ZNF730: variants seen among roughly 807,000 people sequenced by gnomAD.
The protein encoded by ZNF730 is putative zinc finger protein 730.
Under a neutral mutation model 12.6 loss-of-function variants are expected in ZNF730, and 12 were observed. The ratio of observed to expected loss-of-function variants is 0.95; its 90% confidence interval spans 0.61 to 1.54. The LOEUF (loss-of-function observed/expected upper bound fraction) is 1.54. ZNF730 is among the 40% of genes most tolerant of loss of function. The pLI, the probability that ZNF730 is intolerant of heterozygous loss-of-function variation, is 0.00. For synonymous variants in ZNF730, 194 were observed against 195.8 expected (o/e 0.99, Z 0.08); for missense variants, 643 against 583.5 (o/e 1.10, Z -1.05).
chr19:23,106,406 AT>A (rs551057612), intron 1 of ZNF730, among the ~76,000 whole-genome samples: 3 of 152,198 alleles, frequency 2.0e-5, no homozygotes, highest in Non-Finnish European at 4.4e-5. Context: ...AACAAAAAAA[AT>A]ACATTGATTT....
At chr19:23,097,803 C>T (rs1970277489) in intron 1 of ZNF730, among the ~76,000 whole-genome samples, 1 of 152,094 alleles carries the variant, frequency 6.6e-6, no homozygotes, top group South Asian at 2.1e-4. Flanking sequence ...TGACTCAGCA[C>T]ATAGGTGATA....
chr19:23,095,290 C>T (rs888608220), intron 1 of ZNF730: 2 of 398,214 alleles, frequency 5.0e-6, no homozygotes, highest in African/African-American at 4.1e-5. Flanking sequence ...CGTTGGGCCT[C>T]ACACGTACGT....
intron 1 of ZNF730, among the ~76,000 whole-genome samples, chr19:23,124,345 T>C (rs1300348633): frequency 6.6e-6 from 1 of 152,188 alleles, no homozygotes; most frequent in Admixed American, 6.5e-5. Context: ...CTACAAAGTA[T>C]CCAGAGCCAT....
intron 1 of ZNF730, among the ~76,000 whole-genome samples, chr19:23,105,172 C>T (rs1418110496): frequency 2.0e-5 from 3 of 149,248 alleles, no homozygotes; most frequent in Non-Finnish European, 4.4e-5. Flanking sequence ...GGCTGGAGTG[C>T]AGTGGCACAA....
chr19:23,105,584 A>G (rs902032020), intron 1 of ZNF730, among the ~76,000 whole-genome samples: 16 of 152,208 alleles, frequency 1.1e-4, no homozygotes, highest in African/African-American at 3.4e-4. Context: ...GCTGATGAGG[A>G]TTTACAGCAA....
chr19:23,133,620 G>A (rs1970776086), intron 1 of ZNF730, among the ~76,000 whole-genome samples: 1 of 152,280 alleles, frequency 6.6e-6, no homozygotes, highest in East Asian at 1.9e-4. Context: ...GGGATTACAG[G>A]CATGAGCCAC....
At chr19:23,108,529 A>G (rs1232155856) in intron 1 of ZNF730, among the ~76,000 whole-genome samples, 1 of 147,466 alleles carries the variant, frequency 6.8e-6, no homozygotes, top group Non-Finnish European at 1.5e-5. Flanking sequence ...AGATGTACTC[A>G]AATACTTTGC....
intron 1 of ZNF730, among the ~76,000 whole-genome samples, chr19:23,132,549 G>GATGTAGAGAATT (rs1970757487): frequency 6.7e-6 from 1 of 150,000 alleles, no homozygotes; most frequent in Non-Finnish European, 1.5e-5. Context: ...CTTCTTATAT[G>GATGTAGAGAATT]CCATGATTCT....
chr19:23,098,797 C>T (rs1248041716), intron 1 of ZNF730, among the ~76,000 whole-genome samples: 1 of 152,100 alleles, frequency 6.6e-6, no homozygotes, highest in Non-Finnish European at 1.5e-5. Context: ...TGGGTACTTT[C>T]TGTCAACAAG....
upstream of ZNF730, among the ~76,000 whole-genome samples, chr19:23,113,234 A>G (rs1970477580): frequency 6.6e-6 from 1 of 152,190 alleles, no homozygotes; most frequent in Non-Finnish European, 1.5e-5. Flanking sequence ...TATTTGATCT[A>G]TGTAATGTTA....
At chr19:23,096,548 G>A (rs553303415) in intron 1 of ZNF730, among the ~76,000 whole-genome samples, 3 of 152,090 alleles carry the variant, frequency 2.0e-5, no homozygotes, top group South Asian at 2.1e-4. Context: ...CTCATGCATC[G>A]GCCCTGCCAA....
intron 1 of ZNF730, among the ~76,000 whole-genome samples, chr19:23,101,762 G>T (rs1970338286): frequency 6.7e-6 from 1 of 149,916 alleles, no homozygotes; most frequent in Admixed American, 6.6e-5. Flanking sequence ...TAGAGACGGG[G>T]TTTCACCATG....
rs1053355100 is a variant in ZNF730 at position 23,117,056 on chromosome 19, A to G, written c.-118A>G. Reference sequence around the variant, plus strand: ...GTTTCTCGCTGCCGCCGAAGCTCCAATTTTCGTCTGTCTGCTTTGTGTCCT... The same window carrying G: ...GTTTCTCGCTGCCGCCGAAGCTCCAGTTTTCGTCTGTCTGCTTTGTGTCCT... On this transcript the variant is annotated 5_prime_UTR_variant, in exon 1 of 4. Transcript: ENST00000597761. The G allele has an allele frequency of 2.2e-5, 34 of 1,527,952 alleles. No homozygotes were observed. The African/African-American group carries it at 2.6e-4, about 12-fold the overall frequency. 94.6% of individuals were successfully genotyped at this position (1,527,952 alleles called of 1,614,324 possible).
intron 3 of ZNF730, among the ~76,000 whole-genome samples, chr19:23,142,645 G>A (rs577295180): frequency 2.2e-5 from 3 of 137,688 alleles, no homozygotes; most frequent in East Asian, 4.3e-4. Flanking sequence ...CCAAGATCGC[G>A]CCGCTGCACT....
intron 1 of ZNF730, among the ~76,000 whole-genome samples, chr19:23,088,110 C>T (rs960791259): frequency 6.6e-5 from 10 of 151,862 alleles, no homozygotes; most frequent in African/African-American, 2.2e-4. Flanking sequence ...CCTCCGCCTC[C>T]CGGGTTCAAG....
chr19:23,108,470 G>C (rs770398182), intron 1 of ZNF730, among the ~76,000 whole-genome samples: 130 of 152,100 alleles, frequency 8.5e-4, no homozygotes, highest in Non-Finnish European at 7.5e-4. Flanking sequence ...TCTGACTTTG[G>C]GATTTTGAAA....
intron 1 of ZNF730, among the ~76,000 whole-genome samples, chr19:23,081,751 A>T (rs541651647): frequency 6.6e-6 from 1 of 152,154 alleles, no homozygotes; most frequent in South Asian, 2.1e-4. Flanking sequence ...CAACACACCC[A>T]GCCTTATCTT....
At chr19:23,126,622 C>A in intron 1 of ZNF730, 1 of 499,820 alleles carries the variant, frequency 2.0e-6, no homozygotes, top group Non-Finnish European at 3.9e-6. Flanking sequence ...TGTAGGTTAC[C>A]CTTTGCATGC....
chr19:23,099,256 G>A (rs1599577661), intron 1 of ZNF730, among the ~76,000 whole-genome samples: 1 of 152,262 alleles, frequency 6.6e-6, no homozygotes, highest in Non-Finnish European at 1.5e-5. Context: ...CAGCCATTCG[G>A]AGAATGTTGA....
Sources: gnomAD v4.1 joint callset for allele counts (sites outside exome capture counted in the v4.1 genomes callset) on GRCh38, gnomAD v4.1.1 for gene constraint, MANE v1.5 for transcripts, NCBI Gene and HGNC (gene_info 2026-07-23, HGNC 2026-07-21) for gene names.